The following PRKN variants were observed in gnomAD, a reference collection of about 807,000 sequenced individuals.
PRKN encodes parkin RBR E3 ubiquitin protein ligase, also known as E3 ubiquitin-protein ligase parkin.
A neutral mutation model predicts 59.5 loss-of-function variants in PRKN; 56 were observed. That is an observed-to-expected ratio of 0.94 (90% CI 0.76 to 1.18). PRKN has a LOEUF of 1.18. PRKN is among the 50% of genes most tolerant of loss of function. PRKN has a pLI of 0.00. For synonymous variants in PRKN, 250 were observed against 222.1 expected, an observed-to-expected ratio of 1.13 and a Z score of -1.12; for missense variants, 657 against 596.4, an observed-to-expected ratio of 1.10 and a Z score of -1.06.
chr6:162,345,296 T>G (rs1784351268), intron 2 of PRKN, among the ~76,000 whole-genome samples: 1 of 152,220 alleles, frequency 6.6e-6, no homozygotes, highest in Admixed American at 6.5e-5. Context: ...CACAGAAAGC[T>G]GCCCAAGGGT....
In PRKN at chr6:162,556,373, G is replaced by T. The variant is rs200359049; in HGVS notation, c.8-112900C>A. Among the ~76,000 whole-genome samples, 5 of 101,298 alleles carry T rather than the reference G, an allele frequency of 4.9e-5. No homozygotes were observed. The South Asian group carries it at 1.3e-3, about 26-fold the overall frequency. The allele number at this position is 101,298 out of a possible 152,430, so 66.5% of individuals were successfully genotyped here. On this transcript the variant is annotated intron_variant, in intron 1 of 11. Transcript: ENST00000366898. Reference sequence around the variant, plus strand: ...TGTGTGTGTGTGTGTGTGTGTGTGTGTGTGTGTGTGTGTGTGTGTGTGTGT... The same window carrying T: ...TGTGTGTGTGTGTGTGTGTGTGTGTTTGTGTGTGTGTGTGTGTGTGTGTGT...
intron 3 of PRKN, among the ~76,000 whole-genome samples, chr6:162,250,349 T>C (rs902728495): frequency 6.6e-6 from 1 of 152,156 alleles, no homozygotes; most frequent in African/African-American, 2.4e-5. Context: ...TTTTGTTTGG[T>C]AAAGATTTCC....
intron 6 of PRKN, among the ~76,000 whole-genome samples, chr6:161,925,510 G>T (rs1778936986): frequency 1.3e-5 from 2 of 152,270 alleles, no homozygotes; most frequent in Admixed American, 6.5e-5. Flanking sequence ...GGTGGAGGTT[G>T]CAGCGAGCTG....
intron 5 of PRKN, among the ~76,000 whole-genome samples, chr6:161,980,815 C>A (rs557258818): frequency 6.6e-6 from 1 of 152,314 alleles, no homozygotes; most frequent in Admixed American, 6.5e-5. Context: ...CAGATGACTG[C>A]TGCACCACCA....
intron 7 of PRKN, among the ~76,000 whole-genome samples, chr6:161,777,685 T>TA (rs1789988558): frequency 8.6e-6 from 1 of 115,954 alleles, no homozygotes; most frequent in African/African-American, 4.0e-5. Context: ...ATATATATAA[T>TA]ATATATATAC....
rs1795219748 is a variant in PRKN, at chr6:161,888,100, C to T, written c.734+85202G>A. 2.0e-5 allele frequency among the ~76,000 whole-genome samples: 3 copies of T among 152,246 alleles called. 1 individual carries two copies. In the South Asian group the frequency reaches 6.2e-4, roughly 32 times the overall value. ...TGGCCCACCTTCTAAAACTGCTTGA[C>T]ATCAATGGAGAAATTTATTAAATTT... On this transcript the variant is annotated intron_variant, in intron 6 of 11. Transcript: ENST00000366898.
At position 161,446,186 on chromosome 6, in the gene PRKN, C is replaced by T. The variant is rs144687791; in HGVS notation, c.1084-59309G>A. Among the ~76,000 whole-genome samples, 1,107 of 152,210 alleles carry T rather than the reference C, an allele frequency of 7.3e-3. 14 individuals are homozygous for T. The highest frequency in any genetic ancestry group is 0.025 in the African/African-American group (1,052 of 41,532). ...TAAGCTAGGATTGTATCACTGCACT[C>T]CAGCCTTGGCAACAGAGAGAGATCT... On this transcript the variant is annotated intron_variant, in intron 9 of 11. Transcript: ENST00000366898. The surrounding 1 kb of genome is among the most constrained non-coding windows in gnomAD (Gnocchi z 6.2).
intron 6 of PRKN, among the ~76,000 whole-genome samples, chr6:161,970,041 A>G (rs912620440): frequency 1.3e-5 from 2 of 151,936 alleles, no homozygotes; most frequent in African/African-American, 4.8e-5. Flanking sequence ...ATTTATTATG[A>G]TTTTCATTTT....
At chr6:162,594,788 G>A (rs1363184490) in intron 1 of PRKN, among the ~76,000 whole-genome samples, 1 of 152,132 alleles carries the variant, frequency 6.6e-6, no homozygotes, top group East Asian at 1.9e-4. Context: ...GATATTTTTT[G>A]GATATTATGT....
chr6:162,058,331 C>T (rs1201618876), intron 4 of PRKN, among the ~76,000 whole-genome samples: 2 of 152,112 alleles, frequency 1.3e-5, no homozygotes, highest in East Asian at 1.9e-4. Context: ...AGGTAATTGT[C>T]GGGCCTTGTG....
chr6:162,580,757 A>G (rs1334158650), intron 1 of PRKN, among the ~76,000 whole-genome samples: 1 of 152,220 alleles, frequency 6.6e-6, no homozygotes, highest in Non-Finnish European at 1.5e-5. Flanking sequence ...GGAAGCACAC[A>G]AACAGCAAGG....
chr6:162,699,499 C>T (rs1412868028), intron 1 of PRKN, among the ~76,000 whole-genome samples: 1 of 152,144 alleles, frequency 6.6e-6, no homozygotes, highest in Non-Finnish European at 1.5e-5. Context: ...ATCAAAAGAG[C>T]TTAAGCTTAC....
chr6:162,020,222 T>C (rs1783083769), intron 5 of PRKN, among the ~76,000 whole-genome samples: 1 of 150,688 alleles, frequency 6.6e-6, no homozygotes, highest in Admixed American at 6.7e-5. Flanking sequence ...CCTGCAAATC[T>C]GTGACTGCAG....
At chr6:161,439,671 G>C (rs941312443) in intron 9 of PRKN, among the ~76,000 whole-genome samples, 1 of 150,948 alleles carries the variant, frequency 6.6e-6, no homozygotes, top group East Asian at 1.9e-4. Flanking sequence ...CAAAGAGCTA[G>C]AAGTGTACCT....
At position 161,584,022 on chromosome 6, in the gene PRKN, A is replaced by C. The variant is rs538604539; in HGVS notation, c.872-14606T>G. 1.3e-5 allele frequency among the ~76,000 whole-genome samples: 2 copies of C among 152,314 alleles called. No individual in the cohort carries two copies. Among genetic ancestry groups the C allele is most frequent in the African/African-American group, 2.4e-5 (1 of 41,580 alleles). On this transcript the variant is annotated intron_variant, in intron 7 of 11. Coordinates refer to ENST00000366898, the MANE Select transcript of PRKN (RefSeq NM_004562.3). This position sits in a 1 kb window ranked among gnomAD's most constrained non-coding sequence, Gnocchi z 4.8. ...TCTTCAGAATTTGTCTACAAACTTA[A>C]CACCACCAATCACAGTGAGGCCAAT...
chr6:162,493,165 A>G (rs1792897625), intron 1 of PRKN, among the ~76,000 whole-genome samples: 1 of 152,154 alleles, frequency 6.6e-6, no homozygotes, highest in South Asian at 2.1e-4. Context: ...TCTATCGCCA[A>G]CCTGCTGCAG....
chr6:162,091,400 T>C (rs4377767), intron 4 of PRKN, among the ~76,000 whole-genome samples: 91,530 of 152,042 alleles, frequency 0.6, 27,722 homozygotes, highest in East Asian at 0.79. Context: ...TTTAAACACT[T>C]AAGCTGAGAT....
At chr6:162,339,357 C>T (rs1239579944) in intron 2 of PRKN, among the ~76,000 whole-genome samples, 1 of 146,088 alleles carries the variant, frequency 6.8e-6, no homozygotes, top group Non-Finnish European at 1.5e-5. Flanking sequence ...TCAGCCCCCG[C>T]CCGGCCAGCC....
intron 3 of PRKN, among the ~76,000 whole-genome samples, chr6:162,204,592 T>C (rs1158119734): frequency 6.6e-6 from 1 of 152,242 alleles, no homozygotes; most frequent in Non-Finnish European, 1.5e-5. Context: ...TACGGCCAAG[T>C]TCTTTCCTCC....
Sources: gnomAD v4.1 joint callset for allele counts (sites outside exome capture counted in the v4.1 genomes callset) on GRCh38, gnomAD v4.1.1 for gene constraint, Gnocchi (gnomAD v3.1) non-coding constraint, MANE v1.5 for transcripts, NCBI Gene and HGNC (gene_info 2026-07-23, HGNC 2026-07-21) for gene names.